Variants in PSG1 observed in about 807,000 individuals in gnomAD.
The protein encoded by PSG1 is pregnancy specific beta-1-glycoprotein 1.
Under a neutral mutation model 41.4 loss-of-function variants are expected in PSG1, and 60 were observed. The ratio of observed to expected loss-of-function variants is 1.45; its 90% CI spans 1.18 to 1.80. The LOEUF (loss-of-function observed/expected upper bound fraction) is 1.80. Ranked by LOEUF, PSG1 falls within the 40% of genes most tolerant of loss-of-function variation. The probability of loss-of-function intolerance (pLI) is 0.00; values close to 1 mark genes in which losing one functional copy is unlikely to be tolerated. For missense variants in PSG1, 806 were observed against 516.9 expected (o/e 1.56, Z -5.42); for synonymous variants, 256 against 192.9 (o/e 1.33, Z -2.71).
Position 42,867,013 on chromosome 19 carries a change from G to A in PSG1, c.*121C>T, listed in dbSNP as rs748755974. 1.7e-4 allele frequency: 128 copies of A among 765,894 alleles called. No homozygotes were observed. Among genetic ancestry groups the A allele is most frequent in the Middle Eastern group, 1.2e-3 (5 of 4,168 alleles). The allele number at this position is 765,894 out of a possible 1,614,324, so 47.4% of individuals were successfully genotyped here. A position where few individuals can be genotyped will look rare whatever the true frequency, so the allele number is the denominator to read the frequency against. On this transcript the variant is annotated 3_prime_UTR_variant, in exon 6 of 6. Transcript: ENST00000436291. ...GAGTGGCTCATGCTTCACGTACAAG[G>A]GTTTTCCCATGAAATTTACATTGAG... is the stretch of plus-strand genomic sequence containing the variant.
rs765296226 is a variant in PSG1 at position 42,871,874 on chromosome 19, G to T, written c.602C>A (p.Thr201Asn). The change falls in exon 3 of 6, where the codon ACC (threonine) becomes AAC (asparagine). Residue 201 changes from threonine (T) to asparagine (N), a missense_variant. By Grantham distance (65) the Thr-to-Asn change is moderately conservative (BLOSUM62 0). Transcript: ENST00000436291. ...HSLKLSETNR[T>N]LFLLGVTKYT... The stretch of plus-strand genomic sequence containing the variant: ...CTTTGTGACACCCAATAGAAAGAGG[G>T]TCCTGTTGGTTTCGGACAGCTTCAA... 1.6e-5 allele frequency: 25 copies of T among 1,612,376 alleles called. No individual in the cohort carries two copies. The highest frequency in any genetic ancestry group is 8.4e-5 in the Admixed American group (5 of 59,868).
chr19:42,867,605 G>C, intron 5 of PSG1: 5 of 694,376 alleles, frequency 7.2e-6, no homozygotes, highest in Non-Finnish European at 1.0e-5. Context: ...GATTGTTACT[G>C]TACTTGTGCA....
chr19:42,867,319 T>G, intron 5 of PSG1, 169 bp from the exon 6 acceptor site: 1 of 641,012 alleles, frequency 1.6e-6, no homozygotes, highest in South Asian at 1.8e-5. Context: ...TGGAGTTTCT[T>G]CAAATGTGGT....
intron 4 of PSG1, 24 bp downstream of exon 4, chr19:42,868,732 C>A: frequency 1.9e-6 from 3 of 1,609,976 alleles, no homozygotes; most frequent in South Asian, 1.1e-5. Flanking sequence ...TGTCCTGGCC[C>A]ACAGAGGAAC....
In PSG1 at chr19:42,868,125, T is replaced by G. The variant is rs1310874352; in HGVS notation, c.1219A>C (p.Lys407Gln). ...CCAGAGACTTCGACTGTCATGGATTTGGAGCTTTCCTTGCCAGTGGCTGAG... is the reference window on the plus strand; with the variant it reads ...CCAGAGACTTCGACTGTCATGGATTGGGAGCTTTCCTTGCCAGTGGCTGAG... ...RNSATGKESS[K>Q]SMTVEVSDWT... is the part of the protein sequence containing the mutation. The change falls in exon 5 of 6, where the codon AAA becomes CAA. Residue 407 changes from lysine (K) to glutamine (Q), a missense_variant. Physicochemically the swap from Lys to Gln is moderately conservative, Grantham distance 53. Transcript: ENST00000436291. The G allele has an allele frequency of 6.2e-7, 1 of 1,612,424 alleles. No individual in the cohort carries two copies. Among genetic ancestry groups the G allele is most frequent in the South Asian group, 1.1e-5 (1 of 90,814 alleles).
chr19:42,872,542 G>C (rs1268389419), intron 2 of PSG1, among the ~76,000 whole-genome samples: 1 of 151,640 alleles, frequency 6.6e-6, no homozygotes, highest in Non-Finnish European at 1.5e-5. Context: ...CCTGGCCTGG[G>C]ACTGGGTATT....
intron 2 of PSG1, among the ~76,000 whole-genome samples, chr19:42,872,450 C>G (rs956843420): frequency 6.6e-6 from 1 of 151,654 alleles, no homozygotes; most frequent in East Asian, 1.9e-4. Context: ...TATGTTTTCT[C>G]TGCAGCTTCC....
At chr19:42,879,386 T>C (rs1159778324) in intron 1 of PSG1, 132 bp downstream of exon 1, 2 of 1,398,834 alleles carry the variant, frequency 1.4e-6, no homozygotes, top group African/African-American at 2.9e-5. Context: ...ACTTCTGATC[T>C]CATGATCCAC....
rs747960416 is a variant in PSG1, at chr19:42,872,043, C to T, written c.433G>A (p.Glu145Lys). The change falls in exon 3 of 6, where the codon GAG (glutamate) becomes AAG (lysine). Residue 145 changes from glutamate to lysine, a missense_variant and splice_region_variant. Physicochemically the swap from Glu to Lys is moderately conservative, Grantham distance 56. Transcript: ENST00000436291. Reference protein sequence around the residue: ...TGRFTFTLHLETPKPSISSSN... With the variant: ...TGRFTFTLHLKTPKPSISSSN... ...CTGGAGATGGAGGGCTTAGGAGTCTCCACTGTGCAGAAAACAGGGTGAAGA... is the reference window on the plus strand; with the variant it reads ...CTGGAGATGGAGGGCTTAGGAGTCTTCACTGTGCAGAAAACAGGGTGAAGA... 1.1e-5 allele frequency: 17 copies of T among 1,610,526 alleles called. 1 individual carries two copies. The highest frequency in any genetic ancestry group is 1.4e-5 in the Non-Finnish European group (17 of 1,178,372).
rs554644278 is a variant in PSG1 at position 42,867,964 on chromosome 19, G to T, written c.1243+137C>A. 10 of 1,594,598 alleles carry T rather than the reference G, an allele frequency of 6.3e-6. 1 individual carries two copies. Among genetic ancestry groups the T allele is most frequent in the Non-Finnish European group, 7.7e-6 (9 of 1,171,934 alleles). ...CGAAGTTCTTAGACAAATTTGGAGG[G>T]TTCAGGAGGAGAATTTGGGATTTGC... On this transcript the variant is annotated intron_variant, in intron 5 of 5. Transcript: ENST00000436291.
rs569335124 is a variant in PSG1 at position 42,877,213 on chromosome 19, C to T, written c.430+700G>A. 2.5e-4 allele frequency among the ~76,000 whole-genome samples: 38 copies of T among 151,802 alleles called. 1 individual carries two copies. The South Asian group carries it at 7.8e-3, about 31-fold the overall frequency. Reference sequence around the variant, plus strand: ...TGCTACCTGGTACATCTTCTCTCTTCTGTTTCTGCTTCTGGGGACATTAGT... The same window carrying T: ...TGCTACCTGGTACATCTTCTCTCTTTTGTTTCTGCTTCTGGGGACATTAGT... On this transcript the variant is annotated intron_variant, in intron 2 of 5. Transcript: ENST00000436291.
intron 2 of PSG1, among the ~76,000 whole-genome samples, chr19:42,872,248 C>A (rs890805722): frequency 2.0e-5 from 3 of 151,528 alleles, no homozygotes; most frequent in Non-Finnish European, 4.4e-5. Flanking sequence ...GTGGGAGAAG[C>A]ACAGACTTTC....
At chr19:42,873,731 C>T (rs928666200) in intron 2 of PSG1, among the ~76,000 whole-genome samples, 1 of 151,526 alleles carries the variant, frequency 6.6e-6, no homozygotes, top group Non-Finnish European at 1.5e-5. Flanking sequence ...GTCAGTGCAT[C>T]AATTACATAA....
intron 2 of PSG1, 66 bp from the exon 3 acceptor site, chr19:42,872,111 A>T: frequency 6.4e-7 from 1 of 1,558,638 alleles, no homozygotes; most frequent in Non-Finnish European, 8.7e-7. Context: ...GGCATTTTTC[A>T]ATCAGAATTG....
At position 42,878,433 on chromosome 19, in the gene PSG1, G is replaced by T. The variant is rs551906280; in HGVS notation, c.65-155C>A. 3 of 1,251,486 alleles carry T rather than the reference G, an allele frequency of 2.4e-6. No individual in the cohort carries two copies. The East Asian group carries it at 7.3e-5, about 30-fold the overall frequency. 77.5% of individuals were successfully genotyped at this position (1,251,486 alleles called of 1,614,324 possible). The stretch of plus-strand genomic sequence containing the variant: ...CACACACACACACACACACACAAAA[G>T]CGGCATGTGTGATTGTGTGTGTGTA... On this transcript the variant is annotated intron_variant, in intron 1 of 5. Transcript: ENST00000436291.
chr19:42,867,594 A>G (rs1971184690), intron 5 of PSG1: 1 of 670,918 alleles, frequency 1.5e-6, no homozygotes, highest in South Asian at 1.8e-5. Context: ...CAAAGAAAGC[A>G]GATTGTTACT....
At chr19:42,870,759 T>C (rs989920634) in intron 3 of PSG1, 8 of 151,744 alleles carry the variant, frequency 5.3e-5, no homozygotes, top group African/African-American at 1.9e-4. Context: ...CATATATTGA[T>C]ATCGTCTTTA....
intron 3 of PSG1, among the ~76,000 whole-genome samples, chr19:42,871,383 C>T (rs1971375412): frequency 6.6e-6 from 1 of 151,518 alleles, no homozygotes; most frequent in African/African-American, 2.4e-5. Context: ...AGAATAATGT[C>T]ACAGGCACTA....
chr19:42,878,207 A>G lies in PSG1; in HGVS notation c.136T>C (p.Ser46Pro). 5 of 1,611,908 alleles carry G rather than the reference A, an allele frequency of 3.1e-6. No individual in the cohort carries two copies. Among genetic ancestry groups the G allele is most frequent in the Non-Finnish European group, 4.2e-6 (5 of 1,179,016 alleles). The change falls in exon 2 of 6, where the codon TCC becomes CCC. Residue 46 changes from serine to proline, a missense_variant. Coordinates refer to ENST00000436291, the MANE Select transcript of PSG1 (RefSeq NM_001184825.2). ...AGTAGAAGAACATCCTTCCCCTCGG[A>G]AACTTTGGTTGGCTCGGCTTCAATC... is the stretch of plus-strand genomic sequence containing the variant. The part of the protein sequence containing the change: ...VTIEAEPTKV[S>P]EGKDVLLLVH...
Sources: allele counts gnomAD v4.1 joint callset (sites outside exome capture counted in the v4.1 genomes callset), GRCh38; gene constraint gnomAD v4.1.1; transcripts MANE v1.5; gene names NCBI Gene and HGNC (gene_info 2026-07-23, HGNC 2026-07-21).